SPHKAP: variants seen among roughly 807,000 people sequenced by gnomAD.
SPHKAP encodes the protein A-kinase anchor protein SPHKAP.
Under a neutral mutation model 137.5 loss-of-function variants are expected in SPHKAP, and 67 were observed. The observed-to-expected ratio is 0.49, with a 90% CI of 0.40 to 0.60. The LOEUF (loss-of-function observed/expected upper bound fraction) is 0.60, where lower values mean the gene tolerates loss of function less well. Among genes scored for constraint, SPHKAP ranks in the 20% least tolerant of loss-of-function variants. The probability of loss-of-function intolerance (pLI) is 0.00; values close to 1 mark genes in which losing one functional copy is unlikely to be tolerated. For missense variants in SPHKAP, 2,097 were observed against 2,069.3 expected (o/e 1.01, Z -0.26); for synonymous variants, 813 against 785.3 (o/e 1.04, Z -0.59).
chr2:228,107,712 A>C (rs1043182652), intron 3 of SPHKAP, among the ~76,000 whole-genome samples: 2 of 152,162 alleles, frequency 1.3e-5, no homozygotes, highest in Non-Finnish European at 2.9e-5. Context: ...AGAGATCTGT[A>C]TCTGCAAATG....
At chr2:228,119,438 T>C (rs958173380) in intron 2 of SPHKAP, among the ~76,000 whole-genome samples, 4 of 103,446 alleles carry the variant, frequency 3.9e-5, no homozygotes, top group African/African-American at 1.4e-4. Flanking sequence ...TATTTTATAA[T>C]AGTTTAAAAG....
chr2:228,057,177 A>T (rs1259561462), intron 3 of SPHKAP, among the ~76,000 whole-genome samples: 1 of 152,212 alleles, frequency 6.6e-6, no homozygotes, highest in African/African-American at 2.4e-5. Context: ...AAAAGAGCAT[A>T]GCATTAAAAT....
chr2:228,027,383 TA>T, intron 4 of SPHKAP, 100 bp downstream of exon 4: 1 of 1,215,122 alleles, frequency 8.2e-7, no homozygotes, highest in Non-Finnish European at 1.2e-6. Flanking sequence ...TGAAACTATC[TA>T]ACTAAAGAGT....
intron 3 of SPHKAP, among the ~76,000 whole-genome samples, chr2:228,098,170 G>A (rs945478389): frequency 2.0e-5 from 3 of 151,758 alleles, no homozygotes; most frequent in Non-Finnish European, 4.4e-5. Context: ...TTAACAAATG[G>A]CCATTCTGAC....
intron 1 of SPHKAP, among the ~76,000 whole-genome samples, chr2:228,165,572 C>A (rs1700399548): frequency 6.6e-6 from 1 of 152,210 alleles, no homozygotes; most frequent in Non-Finnish European, 1.5e-5. Context: ...TTCAACTGCA[C>A]CTGCATTGCT....
At chr2:228,162,293 C>T (rs1332208880) in intron 1 of SPHKAP, among the ~76,000 whole-genome samples, 1 of 152,136 alleles carries the variant, frequency 6.6e-6, no homozygotes, top group African/African-American at 2.4e-5. Flanking sequence ...ATTTCAGAAT[C>T]AAAAGAGCTA....
At chr2:228,001,530 T>TA (rs1284534624) in intron 7 of SPHKAP, among the ~76,000 whole-genome samples, 1 of 144,508 alleles carries the variant, frequency 6.9e-6, no homozygotes, top group Non-Finnish European at 1.5e-5. Context: ...TATATATACA[T>TA]ATATATAAAA....
At chr2:228,179,518 A>C (rs990021085) in intron 1 of SPHKAP, among the ~76,000 whole-genome samples, 1 of 152,208 alleles carries the variant, frequency 6.6e-6, no homozygotes, top group African/African-American at 2.4e-5. Context: ...TACAGGAGTT[A>C]ATTTACATGA....
chr2:227,981,994 G>T lies in SPHKAP; in HGVS notation c.4960-134C>A, dbSNP rs575176404. 7.6e-6 allele frequency: 10 copies of T among 1,312,644 alleles called. No individual in the cohort carries two copies. The African/African-American group carries it at 1.4e-4, about 18-fold the overall frequency. 81.3% of individuals were successfully genotyped at this position (1,312,644 alleles called of 1,614,324 possible). ...CTCTAGTGTCAGAGGACTGTTTTCC[G>T]GGATAATCTATTTTCTTTTTAAGAA... On this transcript the variant is annotated intron_variant, in intron 11 of 11. Coordinates refer to ENST00000392056, the MANE Select transcript of SPHKAP (RefSeq NM_001142644.2).
At chr2:228,115,615 G>A (rs901894085) in intron 2 of SPHKAP, among the ~76,000 whole-genome samples, 25 of 152,072 alleles carry the variant, frequency 1.6e-4, no homozygotes, top group African/African-American at 5.3e-4. Context: ...TACTCTCCAG[G>A]TAATACAACA....
intron 3 of SPHKAP, among the ~76,000 whole-genome samples, chr2:228,043,488 G>A (rs1009845158): frequency 6.6e-6 from 1 of 152,062 alleles, no homozygotes; most frequent in Non-Finnish European, 1.5e-5. Flanking sequence ...CACCATGCCT[G>A]GCTAATTTTT....
chr2:228,001,230 C>CAT (rs35028587), intron 7 of SPHKAP, among the ~76,000 whole-genome samples: 31,269 of 138,080 alleles, frequency 0.23, 3,790 homozygotes, highest in South Asian at 0.42. Context: ...TTTATATAAA[C>CAT]ATATATATAT....
chr2:228,109,002 T>G, intron 2 of SPHKAP, 63 bp from the exon 3 acceptor site: 56 of 963,234 alleles, frequency 5.8e-5, no homozygotes, highest in Non-Finnish European at 7.5e-5. Flanking sequence ...ACAGCAGCTC[T>G]CTCTCTTTTT....
At chr2:228,015,727 T>C (rs1424547319) in intron 7 of SPHKAP, among the ~76,000 whole-genome samples, 3 of 152,172 alleles carry the variant, frequency 2.0e-5, no homozygotes, top group Admixed American at 2.0e-4. Context: ...GCTAGAATTA[T>C]ACCAGGCATC....
chr2:227,987,599 T>C (rs752340530), intron 11 of SPHKAP, among the ~76,000 whole-genome samples: 1 of 152,196 alleles, frequency 6.6e-6, no homozygotes, highest in Non-Finnish European at 1.5e-5. Flanking sequence ...GAAAATGAAG[T>C]ACCATTTGTC....
chr2:227,998,723 A>G (rs1164585747), intron 7 of SPHKAP, among the ~76,000 whole-genome samples: 1 of 152,192 alleles, frequency 6.6e-6, no homozygotes, highest in Non-Finnish European at 1.5e-5. Context: ...TTGCATCAAA[A>G]CTGACAGACC....
intron 7 of SPHKAP, among the ~76,000 whole-genome samples, chr2:228,003,769 T>G (rs932548451): frequency 2.6e-5 from 4 of 152,236 alleles, no homozygotes; most frequent in African/African-American, 4.8e-5. Context: ...GTTTTTAGCA[T>G]GAAGGGCTCT....
chr2:228,009,022 A>G (rs1223388841), intron 7 of SPHKAP, among the ~76,000 whole-genome samples: 2 of 152,104 alleles, frequency 1.3e-5, no homozygotes, highest in African/African-American at 2.4e-5. Context: ...ACTTGCTGGG[A>G]TTTTGATTGG....
At chr2:228,148,806 G>A (rs1699850440) in intron 1 of SPHKAP, among the ~76,000 whole-genome samples, 1 of 152,274 alleles carries the variant, frequency 6.6e-6, no homozygotes, top group African/African-American at 2.4e-5. Flanking sequence ...CAAGAGAGGA[G>A]AGGGTAGGGG....
Sources: allele counts gnomAD v4.1 joint callset (sites outside exome capture counted in the v4.1 genomes callset), GRCh38; gene constraint gnomAD v4.1.1; transcripts MANE v1.5; gene names NCBI Gene and HGNC (gene_info 2026-07-23, HGNC 2026-07-21).